The following SLC8A1 variants were observed in gnomAD, a reference collection of about 807,000 sequenced individuals.
SLC8A1 encodes solute carrier family 8 member A1.
SLC8A1 carries 18 observed loss-of-function variants against 68.3 expected under a neutral mutation model. That is an observed-to-expected ratio of 0.26 (90% confidence interval 0.18 to 0.39). SLC8A1 has a LOEUF of 0.39. Among genes scored for constraint, SLC8A1 ranks in the 10% least tolerant of loss-of-function variants. The probability of loss-of-function intolerance (pLI) is 1.00; values close to 1 mark genes in which losing one functional copy is unlikely to be tolerated. For missense variants in SLC8A1, 985 were observed against 1,156.7 expected, an observed-to-expected ratio of 0.85 and a Z score of 2.15; for synonymous variants, 475 against 415.5, an observed-to-expected ratio of 1.14 and a Z score of -1.74.
intron 2 of SLC8A1, among the ~76,000 whole-genome samples, chr2:40,423,584 A>G (rs1328814962): frequency 6.6e-6 from 1 of 152,054 alleles, no homozygotes; most frequent in Non-Finnish European, 1.5e-5. Context: ...CGTAATTTAA[A>G]CACTTCAATG....
At chr2:40,256,122 A>G (rs2063876372) in intron 2 of SLC8A1, among the ~76,000 whole-genome samples, 1 of 152,226 alleles carries the variant, frequency 6.6e-6, no homozygotes, top group Non-Finnish European at 1.5e-5. Flanking sequence ...TAATCTTGCA[A>G]GAAATTTCTA....
chr2:40,393,691 T>G (rs1291450438), intron 2 of SLC8A1, among the ~76,000 whole-genome samples: 2 of 152,156 alleles, frequency 1.3e-5, no homozygotes, highest in Admixed American at 6.5e-5. Context: ...ATTGGAATAT[T>G]ATCCTTGTGT....
intron 2 of SLC8A1, among the ~76,000 whole-genome samples, chr2:40,281,483 G>A (rs2067513950): frequency 6.6e-6 from 1 of 152,194 alleles, no homozygotes. Flanking sequence ...TAGCTACAAA[G>A]TGGCAAGTTA....
At chr2:40,403,255 G>T (rs1008591314) in intron 2 of SLC8A1, among the ~76,000 whole-genome samples, 1 of 152,134 alleles carries the variant, frequency 6.6e-6, no homozygotes, top group Non-Finnish European at 1.5e-5. Context: ...CTTTTGCAAA[G>T]CAAAAATTCT....
chr2:40,243,703 T>C (rs1020787551), intron 2 of SLC8A1, among the ~76,000 whole-genome samples: 2 of 152,150 alleles, frequency 1.3e-5, no homozygotes, highest in South Asian at 4.1e-4. Flanking sequence ...TATTGCATTT[T>C]TCCTTTGTGG....
At chr2:40,229,182 G>C (rs2059343002) in intron 2 of SLC8A1, among the ~76,000 whole-genome samples, 1 of 151,918 alleles carries the variant, frequency 6.6e-6, no homozygotes, top group African/African-American at 2.4e-5. Flanking sequence ...AAACTGAATT[G>C]GTTCCTTAAC....
chr2:40,227,132 C>T (rs1180980231), intron 2 of SLC8A1, among the ~76,000 whole-genome samples: 1 of 152,024 alleles, frequency 6.6e-6, no homozygotes, highest in Non-Finnish European at 1.5e-5. Context: ...TTTCTTAGAA[C>T]TCTTTATATA....
At chr2:40,190,816 A>C (rs1244849874) in intron 2 of SLC8A1, 1 of 152,106 alleles carries the variant, frequency 6.6e-6, no homozygotes, top group Non-Finnish European at 1.5e-5. Flanking sequence ...ATTATTCTCA[A>C]GTCTTCTGGG....
intron 7 of SLC8A1, among the ~76,000 whole-genome samples, chr2:40,129,234 A>C (rs1269412294): frequency 6.9e-6 from 1 of 144,026 alleles, no homozygotes; most frequent in South Asian, 2.2e-4. Context: ...GAGATGTTTC[A>C]TTTTTTTTTT....
intron 3 of SLC8A1, chr2:40,177,611 A>G: frequency 1.9e-6 from 1 of 539,690 alleles, no homozygotes; most frequent in Non-Finnish European, 3.3e-6. Flanking sequence ...GGGAAGGGAA[A>G]TGAAATTGCT....
chr2:40,167,609 T>G (rs1445619068), intron 4 of SLC8A1, among the ~76,000 whole-genome samples: 3 of 152,212 alleles, frequency 2.0e-5, no homozygotes, highest in African/African-American at 7.2e-5. Flanking sequence ...GCTACACTCT[T>G]GCTTCAAAGG....
At chr2:40,278,326 G>C (rs2067039919) in intron 2 of SLC8A1, among the ~76,000 whole-genome samples, 1 of 152,000 alleles carries the variant, frequency 6.6e-6, no homozygotes, top group Admixed American at 6.6e-5. Flanking sequence ...AAAATTAGCT[G>C]GGCATGGTGG....
At chr2:40,303,613 A>C (rs1438662645) in intron 2 of SLC8A1, among the ~76,000 whole-genome samples, 1 of 152,178 alleles carries the variant, frequency 6.6e-6, no homozygotes, top group Non-Finnish European at 1.5e-5. Context: ...AGAAAAACAC[A>C]TGGCAATCAG....
chr2:40,165,070 G>A, intron 4 of SLC8A1, 86 bp from the exon 8 acceptor site: 2 of 1,564,892 alleles, frequency 1.3e-6, no homozygotes, highest in Admixed American at 3.4e-5. Flanking sequence ...AGCCAAGGAG[G>A]AAGGAAGCCC....
intron 2 of SLC8A1, among the ~76,000 whole-genome samples, chr2:40,394,817 G>T (rs540070067): frequency 6.6e-6 from 1 of 152,148 alleles, no homozygotes; most frequent in East Asian, 1.9e-4. Flanking sequence ...GCTAGCTTGG[G>T]GAAGTTGAAG....
intron 2 of SLC8A1, among the ~76,000 whole-genome samples, chr2:40,217,189 T>C (rs1332376707): frequency 6.6e-6 from 1 of 152,208 alleles, no homozygotes; most frequent in Non-Finnish European, 1.5e-5. Context: ...AGTGGTCCAG[T>C]TTCAGTTTTC....
chr2:40,204,763 T>G (rs960273903), intron 2 of SLC8A1, among the ~76,000 whole-genome samples: 39 of 152,034 alleles, frequency 2.6e-4, no homozygotes, highest in Non-Finnish European at 7.4e-5. Flanking sequence ...ATCCAACATA[T>G]CATAATCTTA....
At chr2:40,335,018 T>G (rs1277175443) in intron 2 of SLC8A1, among the ~76,000 whole-genome samples, 1 of 152,302 alleles carries the variant, frequency 6.6e-6, no homozygotes, top group East Asian at 1.9e-4. Flanking sequence ...TCTACTGATA[T>G]CAACTCATGG....
At chr2:40,456,395 T>G (rs1189810245), upstream of SLC8A1, among the ~76,000 whole-genome samples, 1 of 151,854 alleles carries the variant, frequency 6.6e-6, no homozygotes, top group Non-Finnish European at 1.5e-5. Flanking sequence ...TGCCCCTTAT[T>G]AAATTAAGGA....
Sources: gnomAD v4.1 joint callset for allele counts (sites outside exome capture counted in the v4.1 genomes callset) on GRCh38, gnomAD v4.1.1 for gene constraint, MANE v1.5 for transcripts, NCBI Gene and HGNC (gene_info 2026-07-23, HGNC 2026-07-21) for gene names.